PRSS58: variants seen among roughly 807,000 people sequenced by gnomAD.
The protein encoded by PRSS58 is serine protease 58.
A neutral mutation model predicts 25.0 loss-of-function variants in PRSS58; 31 were observed. The observed-to-expected ratio is 1.24, with a 90% confidence interval of 0.93 to 1.67. The LOEUF is 1.67. Among genes scored for constraint, PRSS58 ranks in the 40% most tolerant of loss-of-function variants. The probability of loss-of-function intolerance (pLI) is 0.00; values close to 1 mark genes in which losing one functional copy is unlikely to be tolerated. For synonymous variants in PRSS58, 119 were observed against 106.1 expected (o/e 1.12, Z -0.75); for missense variants, 324 against 287.9 (o/e 1.13, Z -0.91).
intron 4 of PRSS58, 39 bp downstream of exon 4, chr7:142,255,016 A>G (rs1798528549): frequency 1.2e-6 from 2 of 1,603,960 alleles, no homozygotes; most frequent in Non-Finnish European, 1.7e-6. Context: ...GTGTAGAAGC[A>G]TGTCTAATTC....
intron 4 of PRSS58, among the ~76,000 whole-genome samples, 192 bp from the exon 5 acceptor site, chr7:142,252,803 G>T (rs562888680): frequency 6.6e-6 from 1 of 152,166 alleles, no homozygotes; most frequent in South Asian, 2.1e-4. Context: ...ATGCAAAATC[G>T]GTGACCTTAT....
At chr7:142,254,718 A>G (rs1456774593) in intron 4 of PRSS58, among the ~76,000 whole-genome samples, 1 of 152,210 alleles carries the variant, frequency 6.6e-6, no homozygotes, top group Non-Finnish European at 1.5e-5. Context: ...TTGAAAATAT[A>G]CAACAGAGTA....
intron 2 of PRSS58, 81 bp from the exon 3 acceptor site, chr7:142,255,754 C>A (rs1798547139): frequency 4.7e-6 from 6 of 1,280,674 alleles, no homozygotes; most frequent in Admixed American, 2.4e-5. Flanking sequence ...ATTTAATAGG[C>A]TCCAAGTTCC....
chr7:142,257,509 A>G (rs553581978), intron 2 of PRSS58, among the ~76,000 whole-genome samples, 159 bp downstream of exon 2: 40 of 152,272 alleles, frequency 2.6e-4, no homozygotes, highest in African/African-American at 9.4e-4. Context: ...GGCAGGCACT[A>G]TCACAGGAGG....
At chr7:142,257,593 C>A in intron 2 of PRSS58, 75 bp downstream of exon 2, 1 of 1,275,666 alleles carries the variant, frequency 7.8e-7, no homozygotes, top group Non-Finnish European at 1.1e-6. Flanking sequence ...TGATGCCTCT[C>A]GCTGTTACCC....
chr7:142,255,456 T>C, intron 3 of PRSS58, 79 bp downstream of exon 3: 2 of 1,599,432 alleles, frequency 1.3e-6, no homozygotes, highest in Non-Finnish European at 1.7e-6. Context: ...AATTGGGAGA[T>C]GGTCTCAGAC....
At chr7:142,252,404 A>T in intron 5 of PRSS58, 34 bp from the exon 6 acceptor site, 1 of 1,611,296 alleles carries the variant, frequency 6.2e-7, no homozygotes. Flanking sequence ...ACAACAAAAA[A>T]GCAGATTATC....
chr7:142,252,255 A>G lies in PRSS58; in HGVS notation c.692T>C (p.Ile231Thr), dbSNP rs762061297. ...TTGGATTACATTTTCAATCCAGGGTATATAGTAAAAAATTTTGGCATAGAT... is the reference window on the plus strand; with the variant it reads ...TTGGATTACATTTTCAATCCAGGGTGTATAGTAAAAAATTTTGGCATAGAT... ...VGIYAKIFYY[I>T]PWIENVIQNN Residue 231 changes from isoleucine (I) to threonine (T), a missense_variant, in exon 6 of 6, where the codon ATA becomes ACA. Physicochemically the swap from Ile to Thr is moderately conservative, Grantham distance 89. Transcript: ENST00000547058. The G allele has an allele frequency of 3.7e-6, 6 of 1,613,856 alleles. No individual in the cohort carries two copies. The East Asian group carries it at 8.9e-5, about 24-fold the overall frequency.
At chr7:142,253,058 G>T (rs1205511713) in intron 4 of PRSS58, among the ~76,000 whole-genome samples, 2 of 152,140 alleles carry the variant, frequency 1.3e-5, no homozygotes, top group Non-Finnish European at 2.9e-5. Context: ...GTGGTGATGA[G>T]TGCCTGTAAT....
intron 4 of PRSS58, 22 bp downstream of exon 4, chr7:142,255,030 GAGA>G (rs780804972): frequency 1.6e-5 from 26 of 1,610,488 alleles, no homozygotes; most frequent in East Asian, 2.2e-5. Context: ...CTAATTCTGA[GAGA>G]AGAACATTGT....
Position 142,255,639 on chromosome 7 carries a change from G to A in PRSS58, c.75C>T (p.Ser25=), listed in dbSNP as rs538445911. The A allele has an allele frequency of 1.2e-6, 2 of 1,613,858 alleles. No homozygotes were observed. The highest frequency in any genetic ancestry group is 2.2e-5 in the South Asian group (2 of 91,020). ...ALAFNPDYTV[S]STPPYLVYLK... ...AATAGACCAAGTAAGGGGGAGTGGA[G>A]CTGACTGTGTAATCTGGATTAAAGG... Residue 25 remains serine, a synonymous_variant, in exon 3 of 6, where the codon AGC becomes AGT. Transcript: ENST00000547058.
intron 5 of PRSS58, 40 bp from the exon 6 acceptor site, chr7:142,252,410 T>A: frequency 6.2e-7 from 1 of 1,611,090 alleles, no homozygotes. Flanking sequence ...AAAAAGCAGA[T>A]TATCTTTCTG....
rs373662649 is a variant in PRSS58 at position 142,252,630 on chromosome 7, T to G, written c.437-19A>C. 6 of 1,595,794 alleles carry G rather than the reference T, an allele frequency of 3.8e-6. No individual in the cohort carries two copies. Among genetic ancestry groups the G allele is most frequent in the Non-Finnish European group, 4.3e-6 (5 of 1,175,720 alleles). On this transcript the variant is annotated intron_variant, in intron 4 of 5. Coordinates refer to ENST00000547058, the MANE Select transcript of PRSS58 (RefSeq NM_001001317.5). ...TCTTTGTCTAAAGAAAAGATAGAAG[T>G]CAAACTTCCTTAAGAGTTTTGTTAG... is the stretch of plus-strand genomic sequence containing the variant.
At chr7:142,256,377 G>A (rs946373273) in intron 2 of PRSS58, among the ~76,000 whole-genome samples, 1 of 152,200 alleles carries the variant, frequency 6.6e-6, no homozygotes, top group Admixed American at 6.5e-5. Flanking sequence ...ATGGTGATTA[G>A]TGCTATGGAA....
chr7:142,252,642 A>G, intron 4 of PRSS58, 31 bp from the exon 5 acceptor site: 1 of 1,589,026 alleles, frequency 6.3e-7, no homozygotes, highest in Non-Finnish European at 8.5e-7. Context: ...AAACTTCCTT[A>G]AGAGTTTTGT....
chr7:142,257,835 A>G (rs1285947241), intron 1 of PRSS58, 87 bp from the exon 2 acceptor site: 1 of 745,120 alleles, frequency 1.3e-6, no homozygotes, highest in Admixed American at 2.3e-5. Flanking sequence ...TTTTAGTAGC[A>G]GGATTCAGTT....
intron 4 of PRSS58, among the ~76,000 whole-genome samples, chr7:142,253,615 G>A (rs942713268): frequency 5.5e-5 from 8 of 146,714 alleles, no homozygotes; most frequent in Non-Finnish European, 8.9e-5. Context: ...GGAAGAGTAT[G>A]TTTAATGTTT....
At chr7:142,255,000 G>A (rs952405051) in intron 4 of PRSS58, 55 bp downstream of exon 4, 70 of 1,562,440 alleles carry the variant, frequency 4.5e-5, no homozygotes, top group Non-Finnish European at 5.3e-5. Context: ...GCCAAGAGTC[G>A]CGAAGGTGTA....
chr7:142,252,651 G>T, intron 4 of PRSS58, 40 bp from the exon 5 acceptor site: 1 of 1,578,122 alleles, frequency 6.3e-7, no homozygotes, highest in Non-Finnish European at 8.5e-7. Context: ...TAAGAGTTTT[G>T]TTAGGTATTA....
Sources: gnomAD v4.1 joint callset for allele counts (sites outside exome capture counted in the v4.1 genomes callset) on GRCh38, gnomAD v4.1.1 for gene constraint, MANE v1.5 for transcripts, NCBI Gene and HGNC (gene_info 2026-07-23, HGNC 2026-07-21) for gene names.